RALYL: variants seen among roughly 807,000 people sequenced by gnomAD.
The protein encoded by RALYL is RALY RNA binding protein like.
In RALYL, 29 loss-of-function variants were observed where a neutral mutation model predicts 35.1. The ratio of observed to expected loss-of-function variants is 0.83; its 90% confidence interval spans 0.61 to 1.13. RALYL has a LOEUF of 1.13. Ranked by LOEUF, RALYL falls within the 50% of genes most tolerant of loss-of-function variation. The pLI is 0.00. For missense variants in RALYL, 359 were observed against 360.4 expected (o/e 1.00, Z 0.03); for synonymous variants, 120 against 127.6 (o/e 0.94, Z 0.40).
At chr8:84,499,824 G>C (rs1297729243) in intron 1 of RALYL, among the ~76,000 whole-genome samples, 1 of 152,052 alleles carries the variant, frequency 6.6e-6, no homozygotes, top group Non-Finnish European at 1.5e-5. Context: ...GCACCATCAT[G>C]GCTTACTGCA....
chr8:84,874,565 T>C (rs1268464768), intron 7 of RALYL, among the ~76,000 whole-genome samples: 2 of 152,152 alleles, frequency 1.3e-5, no homozygotes, highest in African/African-American at 2.4e-5. Context: ...CTAGGGCCCC[T>C]GAGCTACCAC....
intron 2 of RALYL, among the ~76,000 whole-genome samples, chr8:84,583,091 C>A (rs1325850164): frequency 6.6e-6 from 1 of 152,070 alleles, no homozygotes; most frequent in Non-Finnish European, 1.5e-5. Flanking sequence ...TTTGTCTCTT[C>A]ATTTTCCTGG....
intron 4 of RALYL, among the ~76,000 whole-genome samples, chr8:84,814,514 T>G (rs1260865116): frequency 6.6e-6 from 1 of 152,196 alleles, no homozygotes; most frequent in Non-Finnish European, 1.5e-5. Context: ...TTAATATGCA[T>G]CTCATCTTAA....
chr8:84,769,591 T>A (rs536582377), intron 2 of RALYL, among the ~76,000 whole-genome samples: 98 of 152,168 alleles, frequency 6.4e-4, no homozygotes, highest in Non-Finnish European at 4.4e-5. Flanking sequence ...TGAAACCCTG[T>A]CTCTGCTAAA....
chr8:84,191,198 G>A (rs891424955), intron 1 of RALYL, among the ~76,000 whole-genome samples: 5 of 151,760 alleles, frequency 3.3e-5, no homozygotes, highest in Non-Finnish European at 7.4e-5. Context: ...GTGTGTGTGT[G>A]TGTGTGTGTG....
In RALYL at chr8:84,245,631, T is replaced by A. The variant is rs1278311168; in HGVS notation, c.-24+61207T>A. Among the ~76,000 whole-genome samples the A allele has an allele frequency of 2.0e-5, 3 of 152,194 alleles. 1 individual carries two copies. In the East Asian group the frequency reaches 5.8e-4, roughly 29 times the overall value. On this transcript the variant is annotated intron_variant, in intron 1 of 8. Transcript: ENST00000521268. Reference sequence around the variant, plus strand: ...AAGCGTATGCATATGACTTATCACATCTAAGATGCTTGAATAGTTTTGGAT... The same window carrying A: ...AAGCGTATGCATATGACTTATCACAACTAAGATGCTTGAATAGTTTTGGAT...
At chr8:84,816,032 C>CAAAAAAAAAAAAAAAAAAAA (rs5892931) in intron 4 of RALYL, among the ~76,000 whole-genome samples, 1 of 84,192 alleles carries the variant, frequency 1.2e-5, no homozygotes, top group Non-Finnish European at 2.3e-5. Context: ...GACTCTGTCT[C>CAAAAAAAAAAAAAAAAAAAA]AAAAAAAAAA....
intron 8 of RALYL, chr8:84,907,057 C>T (rs374176965): frequency 3.0e-5 from 22 of 727,910 alleles, no homozygotes; most frequent in African/African-American, 2.7e-4. Context: ...ATAAGTATCC[C>T]GGAAACCTTA....
chr8:84,779,803 C>T (rs767002676), intron 3 of RALYL, among the ~76,000 whole-genome samples: 6 of 152,192 alleles, frequency 3.9e-5, no homozygotes, highest in South Asian at 2.1e-4. Context: ...ACTGGACCTA[C>T]GTGAGTTTTG....
intron 1 of RALYL, among the ~76,000 whole-genome samples, chr8:84,281,399 G>A (rs117486382): frequency 0.019 from 2,892 of 152,090 alleles, 42 homozygotes; most frequent in Non-Finnish European, 0.031. Context: ...TGCTTTGTTC[G>A]AATTTTTTTT....
At chr8:84,527,944 G>A (rs997337653) in intron 1 of RALYL, among the ~76,000 whole-genome samples, 1 of 152,056 alleles carries the variant, frequency 6.6e-6, no homozygotes, top group Non-Finnish European at 1.5e-5. Flanking sequence ...ATGTAATATT[G>A]AACAACTTAA....
intron 1 of RALYL, among the ~76,000 whole-genome samples, chr8:84,235,958 G>C (rs1312016143): frequency 1.3e-5 from 2 of 151,482 alleles, no homozygotes; most frequent in Non-Finnish European, 2.9e-5. Flanking sequence ...GTAGAGACAG[G>C]GTTTCACCAT....
chr8:84,517,091 A>G (rs976446496), intron 1 of RALYL, among the ~76,000 whole-genome samples: 1 of 152,218 alleles, frequency 6.6e-6, no homozygotes, highest in Non-Finnish European at 1.5e-5. Flanking sequence ...ATAAATTCTC[A>G]AAAAGATAAC....
intron 1 of RALYL, among the ~76,000 whole-genome samples, chr8:84,297,826 T>C (rs1840050260): frequency 6.6e-6 from 1 of 152,136 alleles, no homozygotes; most frequent in South Asian, 2.1e-4. Flanking sequence ...TCATATCTTG[T>C]TGTTTGCGTG....
chr8:84,701,303 C>T (rs1840149162), intron 2 of RALYL, among the ~76,000 whole-genome samples: 1 of 152,180 alleles, frequency 6.6e-6, no homozygotes, highest in South Asian at 2.1e-4. Context: ...CTTCAGTTAT[C>T]TTTTCAGCAA....
intron 3 of RALYL, among the ~76,000 whole-genome samples, chr8:84,799,621 G>A (rs569423074): frequency 6.6e-6 from 1 of 152,340 alleles, no homozygotes; most frequent in African/African-American, 2.4e-5. Flanking sequence ...TCACCTAAGT[G>A]GCTGAGTTTT....
intron 8 of RALYL, among the ~76,000 whole-genome samples, chr8:84,889,314 C>CTAG (rs1843430111): frequency 6.6e-6 from 1 of 152,308 alleles, no homozygotes; most frequent in East Asian, 1.9e-4. Flanking sequence ...ATTGTGACTA[C>CTAG]ACTCCTTGAG....
intron 3 of RALYL, among the ~76,000 whole-genome samples, chr8:84,776,566 A>T (rs1433677282): frequency 6.6e-6 from 1 of 152,210 alleles, no homozygotes; most frequent in Non-Finnish European, 1.5e-5. Flanking sequence ...TTTTTATCAG[A>T]TTCATTTGTA....
In RALYL at chr8:84,616,612, C is replaced by T. The variant is rs865783178; in HGVS notation, c.256+87035C>T. ...TTTAGTTTAATTAGATCCCATTTGT[C>T]AATTTTGGCTTTTGTTGCCATTGCT... is the stretch of plus-strand genomic sequence containing the variant. On this transcript the variant is annotated intron_variant, in intron 2 of 8. Coordinates refer to ENST00000521268, the MANE Select transcript of RALYL (RefSeq NM_173848.7). Among the ~76,000 whole-genome samples the T allele has an allele frequency of 1.7e-4, 26 of 151,082 alleles. 2 individuals carry two copies. Among genetic ancestry groups the T allele is most frequent in the African/African-American group, 5.9e-4 (24 of 40,834 alleles).
Sources: gnomAD v4.1 joint callset for allele counts (sites outside exome capture counted in the v4.1 genomes callset) on GRCh38, gnomAD v4.1.1 for gene constraint, MANE v1.5 for transcripts, NCBI Gene and HGNC (gene_info 2026-07-23, HGNC 2026-07-21) for gene names.